Variants in YIF1A observed in about 807,000 individuals in gnomAD.
The protein encoded by YIF1A is protein YIF1A.
YIF1A carries 28 observed loss-of-function variants against 32.6 expected under a neutral mutation model. The ratio of observed to expected loss-of-function variants is 0.86; its 90% CI spans 0.64 to 1.18. The LOEUF (loss-of-function observed/expected upper bound fraction) is 1.18, where lower values mean the gene tolerates loss of function less well. YIF1A is among the 50% of genes most tolerant of loss of function. The pLI, the probability that YIF1A is intolerant of heterozygous loss-of-function variation, is 0.00. For missense variants in YIF1A, 373 were observed against 390.8 expected (o/e 0.95, Z 0.38); for synonymous variants, 175 against 162.2 (o/e 1.08, Z -0.60).
chr11:66,285,384 A>G lies in YIF1A; in HGVS notation c.638T>C (p.Val213Ala). ...CCCCTGGCCCACAAGTGCTCACCCC[A>G]CGTATTTGTAGCCACTGTAGGCCAG... ...HLLAYSGYKY[V>A]GMILSVLTGL... is the part of the protein sequence containing the mutation. The change falls in exon 6 of 8, where the codon GTG becomes GCG. Residue 213 changes from valine to alanine, a missense_variant. Coordinates refer to ENST00000376901, the MANE Select transcript of YIF1A (RefSeq NM_020470.3). 6.2e-7 allele frequency: 1 copy of G among 1,611,594 alleles called. No homozygotes were observed. Among genetic ancestry groups the G allele is most frequent in the South Asian group, 1.1e-5 (1 of 91,026 alleles).
chr11:66,285,854 C>T (rs1857348899), intron 4 of YIF1A, 96 bp from the exon 5 acceptor site: 1 of 1,372,728 alleles, frequency 7.3e-7, no homozygotes, highest in Non-Finnish European at 1.0e-6. Context: ...ATACTTCCTT[C>T]TCTGAATAGC....
intron 4 of YIF1A, 27 bp downstream of exon 4, chr11:66,287,571 G>A (rs984289409): frequency 1.4e-5 from 11 of 780,336 alleles, no homozygotes; most frequent in African/African-American, 5.3e-5. Context: ...ACCCCACCAC[G>A]TTCCCCAGCC....
intron 7 of YIF1A, 21 bp downstream of exon 7, chr11:66,284,852 G>T (rs566033579): frequency 3.7e-6 from 6 of 1,611,882 alleles, no homozygotes; most frequent in South Asian, 2.2e-5. Flanking sequence ...GCAGGGGAAT[G>T]GGGGGGTGCA....
In YIF1A at chr11:66,288,090, C is replaced by T. The variant is rs1408768087; in HGVS notation, c.234G>A (p.Val78=). The change falls in exon 2 of 8, where the codon GTG becomes GTA. Residue 78 remains valine (V), a synonymous_variant. Transcript: ENST00000376901. ...SSIASHGKDM[V]HKELHRFVSV... is the part of the protein sequence containing the mutation. ...CGGGGGCAGGCCACACCTCCTTGTGCACCATGTCCTTCCCATGGGATGCGA... is the reference window on the plus strand; with the variant it reads ...CGGGGGCAGGCCACACCTCCTTGTGTACCATGTCCTTCCCATGGGATGCGA... The T allele has an allele frequency of 5.6e-6, 9 of 1,613,422 alleles. No individual in the cohort carries two copies. The highest frequency in any genetic ancestry group is 7.6e-6 in the Non-Finnish European group (9 of 1,179,954).
At chr11:66,286,151 G>A (rs1417231435) in intron 4 of YIF1A, among the ~76,000 whole-genome samples, 1 of 152,268 alleles carries the variant, frequency 6.6e-6, no homozygotes, top group Non-Finnish European at 1.5e-5. Context: ...TGGGGTCATG[G>A]AGATGACCTC....
In YIF1A at chr11:66,285,397, C is replaced by T. The variant is rs762316597; in HGVS notation, c.625G>A (p.Gly209Ser). The change falls in exon 6 of 8, where the codon GGC (glycine) becomes AGC (serine). Residue 209 changes from glycine (G) to serine (S), a missense_variant. Coordinates refer to ENST00000376901, the MANE Select transcript of YIF1A (RefSeq NM_020470.3). ...LSTFHLLAYS[G>S]YKYVGMILSV... ...AGTGCTCACCCCACGTATTTGTAGC[C>T]ACTGTAGGCCAGCAGGTGAAAGGTG... 1.7e-5 allele frequency: 27 copies of T among 1,612,574 alleles called. No individual in the cohort carries two copies. The highest frequency in any genetic ancestry group is 1.8e-5 in the Non-Finnish European group (21 of 1,179,408).
intron 4 of YIF1A, among the ~76,000 whole-genome samples, chr11:66,286,680 A>C (rs1044082412): frequency 6.6e-6 from 1 of 152,178 alleles, no homozygotes; most frequent in Non-Finnish European, 1.5e-5. Flanking sequence ...GAGTGTCTGG[A>C]GTTCTGGAGT....
At position 66,287,873 on chromosome 11, in the gene YIF1A, G is replaced by A; in HGVS notation, c.287C>T (p.Ala96Val). 6.2e-7 allele frequency: 1 copy of A among 1,613,926 alleles called. No individual in the cohort carries two copies. The highest frequency in any genetic ancestry group is 2.2e-5 in the East Asian group (1 of 44,876). ...VSVSKLKYFF[A>V]VDTAYVAKKL... Reference sequence around the variant, plus strand: ...CTTGGCCACGTAGGCTGTGTCCACAGCAAAAAAATACTTGAGTTTGCTCAC... The same window carrying A: ...CTTGGCCACGTAGGCTGTGTCCACAACAAAAAAATACTTGAGTTTGCTCAC... Residue 96 changes from alanine (A) to valine (V), a missense_variant, in exon 3 of 8, where the codon GCT becomes GTT. Transcript: ENST00000376901.
At position 66,285,736 on chromosome 11, in the gene YIF1A, C is replaced by T; in HGVS notation, c.450G>A (p.Val150=). 1 of 1,613,266 alleles carries T rather than the reference C, an allele frequency of 6.2e-7. No homozygotes were observed. The highest frequency in any genetic ancestry group is 1.7e-5 in the Admixed American group (1 of 60,008). Residue 150 remains valine (V), a synonymous_variant, in exon 5 of 8, where the codon GTG becomes GTA. Transcript: ENST00000376901. ...TGCCCAGTGCCATCCCAGCCAGGAG[C>T]ACGTAAGTAATGAAGGCCATCGCTG... The part of the protein sequence containing the change: ...YIPTMAFITY[V]LLAGMALGIQ...
chr11:66,287,663 T>A lies in YIF1A; in HGVS notation c.362A>T (p.Gln121Leu). ...FPYTHQNWEV[Q>L]YSRDAPLPPR... is the part of the protein sequence containing the mutation. ...GGGCAGAGGAGCATCACGACTGTAC[T>A]GCACTTCCCAGTTCTGGCAGTGGCA... Residue 121 changes from glutamine (Q) to leucine (L), a missense_variant, in exon 4 of 8, where the codon CAG (glutamine) becomes CTG (leucine). Transcript: ENST00000376901. The A allele has an allele frequency of 6.2e-7, 1 of 1,611,386 alleles. No homozygotes were observed. Among genetic ancestry groups the A allele is most frequent in the Non-Finnish European group, 8.5e-7 (1 of 1,178,596 alleles).
chr11:66,287,863 T>C lies in YIF1A; in HGVS notation c.297A>G (p.Thr99=). ...GCCCTAGCTTCTTGGCCACGTAGGC[T>C]GTGTCCACAGCAAAAAAATACTTGA... The part of the protein sequence containing the change: ...SKLKYFFAVD[T]AYVAKKLGLL... The change falls in exon 3 of 8, where the codon ACA becomes ACG. Residue 99 remains threonine, a synonymous_variant. Coordinates refer to ENST00000376901, the MANE Select transcript of YIF1A (RefSeq NM_020470.3). The C allele has an allele frequency of 6.2e-7, 1 of 1,614,024 alleles. No individual in the cohort carries two copies. Among genetic ancestry groups the C allele is most frequent in the Non-Finnish European group, 8.5e-7 (1 of 1,180,008 alleles).
At position 66,289,051 on chromosome 11, in the gene YIF1A, C is replaced by T. The variant is rs565899212; in HGVS notation, c.-66G>A. On this transcript the variant is annotated 5_prime_UTR_variant, in exon 1 of 8. Transcript: ENST00000376901. Reference sequence around the variant, plus strand: ...CTCGTGGGTACGAATACTAATGAGGCAGCTGCTCCGCGCCCAGGGTACCGA... The same window carrying T: ...CTCGTGGGTACGAATACTAATGAGGTAGCTGCTCCGCGCCCAGGGTACCGA... 326 of 1,525,780 alleles carry T rather than the reference C, an allele frequency of 2.1e-4. No individual in the cohort carries two copies. The highest frequency in any genetic ancestry group is 2.7e-4 in the Non-Finnish European group (311 of 1,145,992). 94.5% of individuals were successfully genotyped at this position (1,525,780 alleles called of 1,614,324 possible). A position where few individuals can be genotyped will look rare whatever the true frequency, so the allele number is the denominator to read the frequency against.
intron 1 of YIF1A, among the ~76,000 whole-genome samples, 168 bp downstream of exon 1, chr11:66,288,787 C>T (rs1857404395): frequency 6.6e-6 from 1 of 152,176 alleles, no homozygotes; most frequent in African/African-American, 2.4e-5. Flanking sequence ...AGGACTGGGC[C>T]GAGAGGGCGA....
chr11:66,285,667 G>A lies in YIF1A; in HGVS notation c.485+34C>T, dbSNP rs752987639. ...GGGAGGTTGGGAGAAGAGCTCACAG[G>A]GAGGGGAGGGTAAGGGAGGGGCTTG... On this transcript the variant is annotated intron_variant, in intron 5 of 7. Coordinates refer to ENST00000376901, the MANE Select transcript of YIF1A (RefSeq NM_020470.3). 6 of 1,612,942 alleles carry A rather than the reference G, an allele frequency of 3.7e-6. No individual in the cohort carries two copies. In the South Asian group the frequency reaches 6.6e-5, roughly 18 times the overall value.
Position 66,285,059 on chromosome 11 carries a change from A to G in YIF1A, c.642-93T>C, listed in dbSNP as rs552776505. 4 of 1,277,512 alleles carry G rather than the reference A, an allele frequency of 3.1e-6. No homozygotes were observed. The Admixed American group carries it at 8.0e-5, about 26-fold the overall frequency. 79.1% of individuals were successfully genotyped at this position (1,277,512 alleles called of 1,614,324 possible). ...AACGCCCAGAGCCCAGCTAGACCCC[A>G]CCTCCCACAGCACCTTTTACTCTCA... On this transcript the variant is annotated intron_variant, in intron 6 of 7. Coordinates refer to ENST00000376901, the MANE Select transcript of YIF1A (RefSeq NM_020470.3).
chr11:66,288,894 GGGCCACGCCGCCGACTCTCCCCCCGCC>G (rs1467875138), intron 1 of YIF1A, 34 bp downstream of exon 1: 4 of 1,428,944 alleles, frequency 2.8e-6, no homozygotes, highest in African/African-American at 1.5e-5. Flanking sequence ...CGGGGTGAGC[GGGCCACGCCGCCGACTCTCCCCCCGCC>G]GGCCGCGCCG....
intron 6 of YIF1A, 87 bp downstream of exon 6, chr11:66,285,294 C>T: frequency 6.5e-7 from 1 of 1,545,034 alleles, no homozygotes; most frequent in East Asian, 2.3e-5. Flanking sequence ...TCACTAGGGG[C>T]CGAGACATGT....
Position 66,285,362 on chromosome 11 carries a change from C to G in YIF1A, c.641+19G>C, listed in dbSNP as rs1200394111. ...GGCCCAGATCCAAGGCCACCTCCCCCTGGCCCACAAGTGCTCACCCCACGT... is the reference window on the plus strand; with the variant it reads ...GGCCCAGATCCAAGGCCACCTCCCCGTGGCCCACAAGTGCTCACCCCACGT... On this transcript the variant is annotated intron_variant, in intron 6 of 7. Coordinates refer to ENST00000376901, the MANE Select transcript of YIF1A (RefSeq NM_020470.3). 1 of 1,605,596 alleles carries G rather than the reference C, an allele frequency of 6.2e-7. No homozygotes were observed. The highest frequency in any genetic ancestry group is 1.7e-5 in the Admixed American group (1 of 59,724).
At chr11:66,286,957 G>A (rs1220347169) in intron 4 of YIF1A, 1 of 154,110 alleles carries the variant, frequency 6.5e-6, no homozygotes, top group Non-Finnish European at 1.4e-5. Context: ...TGTCCACGAT[G>A]GGCCTGGCCC....
Sources: allele counts gnomAD v4.1 joint callset (sites outside exome capture counted in the v4.1 genomes callset), GRCh38; gene constraint gnomAD v4.1.1; transcripts MANE v1.5; gene names NCBI Gene and HGNC (gene_info 2026-07-23, HGNC 2026-07-21).